Variants in GPI observed in about 807,000 individuals in gnomAD.
GPI encodes glucose-6-phosphate isomerase, also known as D-hexose-6-phosphate anomerase.
GPI carries 56 observed loss-of-function variants against 75.8 expected under a neutral mutation model. That is an observed-to-expected ratio of 0.74 (90% CI 0.60 to 0.92). GPI has a LOEUF of 0.92. Among genes scored for constraint, GPI ranks in the 40% least tolerant of loss-of-function variants. GPI has a pLI of 0.00. For missense variants in GPI, 638 were observed against 741.0 expected (o/e 0.86, Z 1.61); for synonymous variants, 288 against 285.4 (o/e 1.01, Z -0.09).
intron 8 of GPI, 161 bp from the exon 9 acceptor site, chr19:34,381,305 G>A (rs1003163642): frequency 2.8e-6 from 2 of 709,080 alleles, no homozygotes; most frequent in African/African-American, 1.7e-5. Context: ...CCTGGGCCCT[G>A]CCCTCGACTC....
chr19:34,388,528 A>T (rs2074773862), intron 9 of GPI, among the ~76,000 whole-genome samples: 1 of 152,134 alleles, frequency 6.6e-6, no homozygotes, highest in Non-Finnish European at 1.5e-5. Flanking sequence ...ATGGTTAGAT[A>T]AGGTGAGATC....
upstream of GPI, among the ~76,000 whole-genome samples, chr19:34,361,541 G>A (rs1295048816): frequency 6.6e-6 from 1 of 152,136 alleles, no homozygotes; most frequent in Non-Finnish European, 1.5e-5. Context: ...TGGTAGTTTT[G>A]TAGTATGATG....
chr19:34,393,047 G>A lies in GPI; in HGVS notation c.805-201G>A. 1.6e-6 allele frequency: 1 copy of A among 630,572 alleles called. No homozygotes were observed. 39.1% of individuals were successfully genotyped at this position (630,572 alleles called of 1,614,324 possible). ...GGTAAGCTCTTCAGTTTGTCTTGTG[G>A]CTGTGGTCAGTCATCTGTAGTCTGC... On this transcript the variant is annotated intron_variant, in intron 9 of 17. Transcript: ENST00000356487. This position sits in a 1 kb window ranked among gnomAD's most constrained non-coding sequence, Gnocchi z 4.4.
In GPI at chr19:34,378,342, A is replaced by G. The variant is rs535926025; in HGVS notation, c.633+461A>G. On this transcript the variant is annotated intron_variant, in intron 6 of 17. Transcript: ENST00000356487. ...CCCAAGTAGCTGGGACTAGGCACAC[A>G]CCACCACGCCTGGCTAATTTTATTA... Among the ~76,000 whole-genome samples the G allele has an allele frequency of 2.6e-5, 4 of 151,914 alleles. No individual in the cohort carries two copies. In the East Asian group the frequency reaches 7.8e-4, roughly 29 times the overall value.
intron 9 of GPI, among the ~76,000 whole-genome samples, chr19:34,389,291 G>A (rs926643205): frequency 6.6e-6 from 1 of 152,092 alleles, no homozygotes; most frequent in Admixed American, 6.6e-5. Flanking sequence ...CTCCCAGAAT[G>A]AGTCCTCTGC....
upstream of GPI, chr19:34,363,221 G>C (rs944258180): frequency 2.0e-5 from 3 of 152,164 alleles, no homozygotes; most frequent in African/African-American, 7.2e-5. Flanking sequence ...TGAAAAGATC[G>C]CTTGAGCCTG....
intron 17 of GPI, 37 bp downstream of exon 17, chr19:34,399,822 T>C: frequency 1.2e-6 from 2 of 1,612,992 alleles, no homozygotes; most frequent in Non-Finnish European, 1.7e-6. Context: ...GGGAATACCT[T>C]TGTGTCGGCT....
intron 1 of GPI, 100 bp downstream of exon 1, chr19:34,365,488 C>T: frequency 2.7e-6 from 4 of 1,496,376 alleles, no homozygotes; most frequent in Non-Finnish European, 2.7e-6. Context: ...CCGGGGACCC[C>T]AGTCCCCGAC....
intron 3 of GPI, chr19:34,367,291 A>G (rs763465339): frequency 1.7e-4 from 54 of 324,508 alleles, no homozygotes; most frequent in Non-Finnish European, 2.8e-4. Context: ...ATGGGAGCCC[A>G]GCCTGGAGGT....
chr19:34,372,367 C>T (rs2074468346), intron 4 of GPI, among the ~76,000 whole-genome samples: 1 of 152,194 alleles, frequency 6.6e-6, no homozygotes, highest in African/African-American at 2.4e-5. Flanking sequence ...TAGGGCCAGG[C>T]ACAGTTGCTC....
chr19:34,386,736 GC>G (rs2074740772), intron 9 of GPI, among the ~76,000 whole-genome samples: 2 of 152,332 alleles, frequency 1.3e-5, no homozygotes, highest in South Asian at 4.1e-4. Flanking sequence ...TCTCTCTCAA[GC>G]AAGGACTTTG....
At chr19:34,381,670 A>T (rs2074655889) in intron 9 of GPI, 151 bp downstream of exon 9, 1 of 739,076 alleles carries the variant, frequency 1.4e-6, no homozygotes, top group Non-Finnish European at 2.5e-6. Context: ...AGAGGCTTGG[A>T]GGGCAAGAGC....
chr19:34,362,786 C>T (rs1387951524), upstream of GPI, among the ~76,000 whole-genome samples: 4 of 152,184 alleles, frequency 2.6e-5, no homozygotes, highest in Admixed American at 2.0e-4. Context: ...TCTGTCCTTT[C>T]TGACAGGCAG....
At chr19:34,387,514 G>A (rs984550817) in intron 9 of GPI, among the ~76,000 whole-genome samples, 1 of 152,024 alleles carries the variant, frequency 6.6e-6, no homozygotes, top group African/African-American at 2.4e-5. Context: ...TTGTCAGTGA[G>A]TCTGTGGATC....
At chr19:34,385,664 A>G (rs1167504627) in intron 9 of GPI, among the ~76,000 whole-genome samples, 1 of 152,206 alleles carries the variant, frequency 6.6e-6, no homozygotes, top group East Asian at 1.9e-4. Context: ...AGAAGAACCA[A>G]GTGTGTTGGA....
At chr19:34,369,761 T>C (rs2074423588) in intron 4 of GPI, among the ~76,000 whole-genome samples, 1 of 151,328 alleles carries the variant, frequency 6.6e-6, no homozygotes, top group Non-Finnish European at 1.5e-5. Flanking sequence ...AGAAGCAGCC[T>C]TTGTAAAGTT....
chr19:34,382,543 C>G (rs893624585), intron 9 of GPI, among the ~76,000 whole-genome samples: 9 of 152,086 alleles, frequency 5.9e-5, no homozygotes, highest in Non-Finnish European at 1.3e-4. Context: ...GGCTCAGATG[C>G]GGAACACTGG....
At chr19:34,384,123 G>A (rs556936586) in intron 9 of GPI, among the ~76,000 whole-genome samples, 3 of 152,224 alleles carry the variant, frequency 2.0e-5, no homozygotes, top group Non-Finnish European at 4.4e-5. Context: ...GGTCTGACAA[G>A]TGAGGGCTGA....
intron 4 of GPI, among the ~76,000 whole-genome samples, chr19:34,373,105 G>C (rs1216999893): frequency 6.6e-6 from 1 of 151,194 alleles, no homozygotes; most frequent in Non-Finnish European, 1.5e-5. Flanking sequence ...ATAATTTATA[G>C]TCTGGGTGCT....
Sources: gnomAD v4.1 joint callset for allele counts (sites outside exome capture counted in the v4.1 genomes callset) on GRCh38, gnomAD v4.1.1 for gene constraint, Gnocchi (gnomAD v3.1) non-coding constraint, MANE v1.5 for transcripts, NCBI Gene and HGNC (gene_info 2026-07-23, HGNC 2026-07-21) for gene names.